The following CEP76 variants were observed in gnomAD, a reference collection of about 807,000 sequenced individuals.
CEP76 encodes centrosomal protein 76.
Under a neutral mutation model 83.3 loss-of-function variants are expected in CEP76, and 55 were observed. The observed-to-expected ratio is 0.66, with a 90% CI of 0.53 to 0.83. The LOEUF is 0.83. Among genes scored for constraint, CEP76 ranks in the 40% least tolerant of loss-of-function variants. The pLI, the probability that CEP76 is intolerant of heterozygous loss-of-function variation, is 0.00. For synonymous variants in CEP76, 270 were observed against 274.5 expected, an observed-to-expected ratio of 0.98 and a Z score of 0.16; for missense variants, 694 against 799.5, an observed-to-expected ratio of 0.87 and a Z score of 1.59.
chr18:12,670,744 C>G (rs2038921724), downstream of CEP76: 1 of 150,754 alleles, frequency 6.6e-6, no homozygotes, highest in Non-Finnish European at 1.5e-5. Context: ...ATCTTTTGGG[C>G]TCAAGTGATT....
At chr18:12,689,778 A>G (rs765330045) in intron 7 of CEP76, among the ~76,000 whole-genome samples, 1 of 151,742 alleles carries the variant, frequency 6.6e-6, no homozygotes. Flanking sequence ...ATATATATAT[A>G]TGTATATTTT....
chr18:12,689,576 TTAAG>T (rs2039673329), intron 7 of CEP76, among the ~76,000 whole-genome samples: 2 of 141,994 alleles, frequency 1.4e-5, no homozygotes, highest in African/African-American at 2.5e-5. Context: ...AGGAAGTCGT[TTAAG>T]TAATATTTCC....
chr18:12,668,597 C>CAAAA (rs752216074), downstream of CEP76, among the ~76,000 whole-genome samples: 1,982 of 72,626 alleles, frequency 0.027, 250 homozygotes, highest in African/African-American at 0.039. Context: ...GATTCCATCT[C>CAAAA]AAAAAAAAAA....
At chr18:12,690,502 C>G (rs937807546) in intron 7 of CEP76, among the ~76,000 whole-genome samples, 15 of 151,584 alleles carry the variant, frequency 9.9e-5, no homozygotes, top group African/African-American at 3.4e-4. Flanking sequence ...GTTGCCCAGG[C>G]CGGACTGCAG....
chr18:12,697,817 C>T (rs1015080434), intron 4 of CEP76, among the ~76,000 whole-genome samples: 1 of 149,674 alleles, frequency 6.7e-6, no homozygotes, highest in Non-Finnish European at 1.5e-5. Context: ...CTGAAAAATA[C>T]AGCACATCGA....
Position 12,700,981 on chromosome 18 carries a change from T to C in CEP76, c.196A>G (p.Met66Val). Residue 66 changes from methionine (M) to valine (V), a missense_variant, in exon 2 of 12, where the codon ATG (methionine) becomes GTG (valine). Coordinates refer to ENST00000262127, the MANE Select transcript of CEP76 (RefSeq NM_024899.4). ...LRRRGIIDDV[M>V]KELNFVTDSV... is the part of the protein sequence containing the mutation. The stretch of plus-strand genomic sequence containing the variant: ...ACAGTAACAAAATTAAGTTCTTTCA[T>C]CACATCGTCAATGATTCCTCGACGT... The C allele has an allele frequency of 6.2e-7, 1 of 1,613,276 alleles. No homozygotes were observed. Among genetic ancestry groups the C allele is most frequent in the Non-Finnish European group, 8.5e-7 (1 of 1,179,694 alleles).
At chr18:12,700,877 C>G (rs2040126453) in intron 2 of CEP76, 81 bp downstream of exon 2, 5 of 1,174,486 alleles carry the variant, frequency 4.3e-6, no homozygotes, top group Non-Finnish European at 6.0e-6. Flanking sequence ...ACGAAAGGCC[C>G]CACATCGGAA....
intron 7 of CEP76, among the ~76,000 whole-genome samples, chr18:12,690,267 T>G (rs1045928894): frequency 6.6e-6 from 1 of 152,162 alleles, no homozygotes; most frequent in Non-Finnish European, 1.5e-5. Flanking sequence ...ACTAAACCAC[T>G]TTTAGCCTGT....
At chr18:12,662,805 A>G (rs1224237399) in intron 12 of CEP76, among the ~76,000 whole-genome samples, 1 of 152,134 alleles carries the variant, frequency 6.6e-6, no homozygotes, top group African/African-American at 2.4e-5. Flanking sequence ...TTTTTTGACG[A>G]AAAGTAGAGG....
intron 10 of CEP76, among the ~76,000 whole-genome samples, chr18:12,675,407 ATAAAT>A (rs1280734969): frequency 3.6e-4 from 54 of 152,062 alleles, no homozygotes; most frequent in Non-Finnish European, 6.2e-4. Flanking sequence ...AAAAAAATAA[ATAAAT>A]AAAATAAATA....
chr18:12,699,284 T>A, intron 3 of CEP76, 81 bp from the exon 4 acceptor site: 1 of 1,042,482 alleles, frequency 9.6e-7, no homozygotes, highest in Non-Finnish European at 1.4e-6. Context: ...AATAAAAACT[T>A]GACAGATAAA....
At position 12,691,497 on chromosome 18, in the gene CEP76, G is replaced by GA; in HGVS notation, c.805-11dup. On this transcript the variant is annotated splice_polypyrimidine_tract_variant and intron_variant, in intron 6 of 11. Coordinates refer to ENST00000262127, the MANE Select transcript of CEP76 (RefSeq NM_024899.4). ...GACGTTCCAAAGCAAGCTTGAAATT[G>GA]AAAAAAATATTTTTCAATTTCTATT... 3 of 1,569,514 alleles carry GA rather than the reference G, an allele frequency of 1.9e-6. No homozygotes were observed. Among genetic ancestry groups the GA allele is most frequent in the South Asian group, 1.2e-5 (1 of 83,942 alleles).
intron 11 of CEP76, 35 bp downstream of exon 11, chr18:12,674,501 A>G (rs2039050964): frequency 2.6e-6 from 4 of 1,554,208 alleles, no homozygotes; most frequent in Non-Finnish European, 3.5e-6. Context: ...TAAGACTCCT[A>G]AACTGAAAAA....
chr18:12,689,764 T>TTATATA (rs146278847), intron 7 of CEP76, among the ~76,000 whole-genome samples: 3 of 150,806 alleles, frequency 2.0e-5, no homozygotes, highest in Non-Finnish European at 4.4e-5. Flanking sequence ...GGGAGCCAGT[T>TTATATA]TATATATATA....
chr18:12,679,553 G>C (rs1568014784), intron 9 of CEP76, among the ~76,000 whole-genome samples: 1 of 152,034 alleles, frequency 6.6e-6, no homozygotes, highest in Non-Finnish European at 1.5e-5. Flanking sequence ...ATTTTTCGTG[G>C]CCATGTGACA....
At position 12,686,311 on chromosome 18, in the gene CEP76, C is replaced by T; in HGVS notation, c.1073G>A (p.Gly358Asp). ...CAGAGTGCACCACTGCTCCTGTTTA[C>T]CTCCTCCTCCAATAACAGGGGCTCG... Reference protein sequence around the residue: ...YERAPVIGGGGKQEQWCTLLA... With the variant: ...YERAPVIGGGDKQEQWCTLLA... The change falls in exon 8 of 12, where the codon GGT (glycine) becomes GAT (aspartate). Residue 358 changes from glycine to aspartate, a missense_variant. Transcript: ENST00000262127. 6.2e-7 allele frequency: 1 copy of T among 1,613,940 alleles called. No individual in the cohort carries two copies. Among genetic ancestry groups the T allele is most frequent in the Non-Finnish European group, 8.5e-7 (1 of 1,179,866 alleles).
chr18:12,701,231 G>A (rs898804986), intron 1 of CEP76, 118 bp from the exon 2 acceptor site: 3 of 694,766 alleles, frequency 4.3e-6, no homozygotes, highest in Admixed American at 2.8e-5. Context: ...AATTGAATGG[G>A]AACAAAGGTA....
At chr18:12,686,575 C>G in intron 7 of CEP76, 125 bp from the exon 8 acceptor site, 1 of 678,732 alleles carries the variant, frequency 1.5e-6, no homozygotes. Context: ...ACCTTGTATC[C>G]AGTATTTGGC....
At chr18:12,670,637 T>C (rs1041718703), downstream of CEP76, 1 of 150,766 alleles carries the variant, frequency 6.6e-6, no homozygotes, top group African/African-American at 2.4e-5. Flanking sequence ...TTTGTAATTT[T>C]GGCAAAAGAG....
Sources: gnomAD v4.1 joint callset for allele counts (sites outside exome capture counted in the v4.1 genomes callset) on GRCh38, gnomAD v4.1.1 for gene constraint, MANE v1.5 for transcripts, NCBI Gene and HGNC (gene_info 2026-07-23, HGNC 2026-07-21) for gene names.